Variants in CFAP92 observed in about 807,000 individuals in gnomAD.
CFAP92 encodes the protein cilia and flagella associated protein 92 (putative), also known as uncharacterized protein CFAP92.
In CFAP92, 86 loss-of-function variants were observed where a neutral mutation model predicts 106.3. That is an observed-to-expected ratio of 0.81 (90% confidence interval 0.68 to 0.97). The LOEUF is 0.97. Ranked by LOEUF, CFAP92 falls within the 50% of genes least tolerant of loss-of-function variation. The probability of loss-of-function intolerance (pLI) is 0.00; values close to 1 mark genes in which losing one functional copy is unlikely to be tolerated. For missense variants in CFAP92, 1,204 were observed against 1,283.8 expected, an observed-to-expected ratio of 0.94 and a Z score of 0.95; for synonymous variants, 477 against 506.4, an observed-to-expected ratio of 0.94 and a Z score of 0.78.
chr3:128,911,413 C>T (rs751523875), intron 15 of CFAP92, among the ~76,000 whole-genome samples: 1 of 152,068 alleles, frequency 6.6e-6, no homozygotes, highest in Non-Finnish European at 1.5e-5. Context: ...GGACCCCTGG[C>T]ATCTGCCCAG....
chr3:129,014,201 C>A, the CFAP92 span, among the ~76,000 whole-genome samples: 1 of 152,364 alleles, frequency 6.6e-6, no homozygotes, highest in African/African-American at 2.4e-5. The surrounding 1 kb of genome is among the most constrained non-coding windows in gnomAD (Gnocchi z 4.3). Flanking sequence ...GAGGCAGAGA[C>A]CCTGCCCTCG....
At chr3:128,961,379 C>T (rs1941904303) in intron 9 of CFAP92, among the ~76,000 whole-genome samples, 1 of 152,110 alleles carries the variant, frequency 6.6e-6, no homozygotes, top group African/African-American at 2.4e-5. Flanking sequence ...TTTCTACAGA[C>T]CCATCTGACC....
At chr3:128,918,659 G>A (rs1028158902) in intron 12 of CFAP92, among the ~76,000 whole-genome samples, 6 of 152,220 alleles carry the variant, frequency 3.9e-5, no homozygotes, top group African/African-American at 1.4e-4. Context: ...ATGGTGGAGT[G>A]TGGGTAGGAG....
chr3:129,024,421 C>G, the CFAP92 span, among the ~76,000 whole-genome samples: 1 of 151,996 alleles, frequency 6.6e-6, no homozygotes, highest in East Asian at 1.9e-4. Flanking sequence ...GTCCCAACTA[C>G]TCGGGAGGCT....
chr3:128,912,881 T>C (rs1294368361), intron 15 of CFAP92: 3 of 606,384 alleles, frequency 4.9e-6, no homozygotes, highest in Admixed American at 1.9e-5. Flanking sequence ...ATTCTGGTCA[T>C]TGAGGAGACA....
chr3:128,928,013 G>A (rs929477248), intron 12 of CFAP92, among the ~76,000 whole-genome samples: 1 of 152,138 alleles, frequency 6.6e-6, no homozygotes, highest in Non-Finnish European at 1.5e-5. Context: ...AGCACTTTGG[G>A]AGGCCAAGGC....
intron 10 of CFAP92, among the ~76,000 whole-genome samples, chr3:128,940,703 C>T (rs772908221): frequency 2.0e-5 from 3 of 152,098 alleles, no homozygotes; most frequent in Admixed American, 6.6e-5. Flanking sequence ...GCTTGTCTAT[C>T]TCTGAACCAA....
Position 128,932,860 on chromosome 3 carries a change from T to TTC in CFAP92, c.2589_2590dup (p.Lys864ArgfsTer26). Reference sequence around the variant, plus strand: ...AGGCTGAGGTGGTAGGGCAAACAGTTTCTCATCTGTGAGTTCTTCTTGCGA... The same window carrying TTC: ...AGGCTGAGGTGGTAGGGCAAACAGTTTCTCTCATCTGTGAGTTCTTCTTGCGA... On this transcript the variant is annotated frameshift_variant, in exon 12 of 16. Transcript: ENST00000645291. LOFTEE classifies it high-confidence loss of function. The TTC allele has an allele frequency of 6.5e-7, 1 of 1,536,214 alleles. No individual in the cohort carries two copies. The highest frequency in any genetic ancestry group is 8.7e-7 in the Non-Finnish European group (1 of 1,146,920).
At chr3:128,991,813 T>C (rs1944235233) in intron 2 of CFAP92, 4 of 988,584 alleles carry the variant, frequency 4.0e-6, no homozygotes, top group South Asian at 9.0e-5. Flanking sequence ...CCAGGAGAAG[T>C]TGAAATCATA....
In CFAP92 at chr3:128,932,736, A is replaced by C. The variant is rs78242619; in HGVS notation, c.2715T>G (p.Leu905=). The C allele has an allele frequency of 0.023, 34,942 of 1,534,788 alleles. 1,294 individuals are homozygous for C. The highest frequency in any genetic ancestry group is 0.12 in the African/African-American group (8,808 of 73,068). The part of the protein sequence containing the change: ...EKYLQWRSAM[L]MKNKDKKHSF... ...TGTGCTTTTTGTCTTTGTTCTTCAT[A>C]AGCATGGCACTCCGCCACTGCAGGT... The change falls in exon 12 of 16, where the codon CTT becomes CTG. Residue 905 remains leucine, a synonymous_variant. Transcript: ENST00000645291.
chr3:128,992,918 TG>T, intron 2 of CFAP92, 124 bp downstream of exon 2: 1 of 1,157,466 alleles, frequency 8.6e-7, no homozygotes, highest in South Asian at 1.4e-5. Context: ...TGGCTGGCAC[TG>T]GCCAGCCCGC....
chr3:128,953,648 G>A (rs1409065618), intron 9 of CFAP92, among the ~76,000 whole-genome samples: 1 of 92,812 alleles, frequency 1.1e-5, no homozygotes, highest in African/African-American at 4.8e-5. Context: ...TCTCCCCACG[G>A]TCTCCCTCTC....
At chr3:128,993,636 G>A (rs766780472) in intron 1 of CFAP92, 60 of 374,220 alleles carry the variant, frequency 1.6e-4, no homozygotes, top group East Asian at 1.2e-3. Flanking sequence ...TGCCCCAGGT[G>A]AGCAGCTCCC....
Position 128,987,899 on chromosome 3 carries a change from C to A in CFAP92, c.454-70G>T, listed in dbSNP as rs559019727. 32 of 1,300,008 alleles carry A rather than the reference C, an allele frequency of 2.5e-5. No individual in the cohort carries two copies. In the South Asian group the frequency reaches 3.9e-4, roughly 16 times the overall value. 80.5% of individuals were successfully genotyped at this position (1,300,008 alleles called of 1,614,324 possible). ...CAAAGGCCGTGGCGAACAGAGCAAG[C>A]CCCAGCCCCAGCCTGGCCCTCAGCA... On this transcript the variant is annotated intron_variant, in intron 3 of 15. Transcript: ENST00000645291.
At chr3:129,002,448 C>T in intron 1 of CFAP92, 3 of 1,391,732 alleles carry the variant, frequency 2.2e-6, no homozygotes, top group Non-Finnish European at 2.8e-6. Context: ...AGCCCCACAC[C>T]ATCCCACTCC....
chr3:128,912,677 T>C (rs1001045358), intron 15 of CFAP92: 16 of 1,332,520 alleles, frequency 1.2e-5, no homozygotes, highest in Non-Finnish European at 1.6e-5. Flanking sequence ...CTGTTACTCT[T>C]TTTTCAGAAG....
rs185536793 is a variant in CFAP92, at chr3:128,944,221, C to T, written c.2258+850G>A. Among the ~76,000 whole-genome samples, 95 of 152,360 alleles carry T rather than the reference C, an allele frequency of 6.2e-4. 1 individual carries two copies. In the Middle Eastern group the frequency reaches 0.01, roughly 16 times the overall value. On this transcript the variant is annotated intron_variant, in intron 10 of 15. Coordinates refer to ENST00000645291, the MANE Select transcript of CFAP92 (RefSeq NM_001394090.1). ...GTGCTGGGATTACAGGCGTGAGCTA[C>T]TGCACCTGGCCTGTTTTCACTTTTT...
At chr3:128,997,004 C>G (rs948935707), upstream of CFAP92, among the ~76,000 whole-genome samples, 2 of 152,212 alleles carry the variant, frequency 1.3e-5, no homozygotes, top group Non-Finnish European at 2.9e-5. Context: ...GGCGTGGAAC[C>G]AGCACCATGT....
the CFAP92 span, among the ~76,000 whole-genome samples, chr3:129,016,502 G>A: frequency 0.072 from 10,756 of 148,552 alleles, 1,236 homozygotes; most frequent in African/African-American, 0.25. Context: ...GGGCACGCCC[G>A]TGTCTAGAGC....
Sources: gnomAD v4.1 joint callset for allele counts (sites outside exome capture counted in the v4.1 genomes callset) on GRCh38, gnomAD v4.1.1 for gene constraint, Gnocchi (gnomAD v3.1) non-coding constraint, MANE v1.5 for transcripts, NCBI Gene and HGNC (gene_info 2026-07-23, HGNC 2026-07-21) for gene names.